Variants in SYTL2 observed in about 807,000 individuals in gnomAD.
The protein encoded by SYTL2 is synaptotagmin-like protein 2.
A neutral mutation model predicts 198.7 loss-of-function variants in SYTL2; 165 were observed. The ratio of observed to expected loss-of-function variants is 0.83; its 90% CI spans 0.73 to 0.94. SYTL2 has a LOEUF of 0.94. Ranked by LOEUF, SYTL2 falls within the 40% of genes least tolerant of loss-of-function variation. SYTL2 has a pLI of 0.00. For missense variants in SYTL2, 2,835 were observed against 2,582.8 expected, an observed-to-expected ratio of 1.10 and a Z score of -2.12; for synonymous variants, 966 against 917.7, an observed-to-expected ratio of 1.05 and a Z score of -0.95.
At position 85,734,467 on chromosome 11, in the gene SYTL2, G is replaced by C; in HGVS notation, c.862C>G (p.Leu288Val). Reference protein sequence around the residue: ...SSSSSTDSETLRYNHNFEPKS... With the variant: ...SSSSSTDSETVRYNHNFEPKS... ...GGTTCAAAGTTGTGATTATAACGAA[G>C]GGTTTCTGAGTCTGTGCTACTGGAA... Residue 288 changes from leucine to valine, a missense_variant, in exon 7 of 20, where the codon CTT becomes GTT. By Grantham distance (32) the Leu-to-Val change is conservative. Around this residue, in one of 3 missense-constraint regions of SYTL2, gnomAD observed 2,645 missense variants for 2,381.7 expected, o/e 1.11. Coordinates refer to ENST00000359152, the MANE Select transcript of SYTL2 (RefSeq NM_206927.4). 1.9e-6 allele frequency: 3 copies of C among 1,614,208 alleles called. No homozygotes were observed. The highest frequency in any genetic ancestry group is 2.5e-6 in the Non-Finnish European group (3 of 1,180,028).
At chr11:85,794,353 A>AT (rs1163277929) in intron 1 of SYTL2, among the ~76,000 whole-genome samples, 1 of 149,776 alleles carries the variant, frequency 6.7e-6, no homozygotes, top group Admixed American at 6.7e-5. Flanking sequence ...TAATTTTTAA[A>AT]TTTTTTTTCT....
intron 1 of SYTL2, among the ~76,000 whole-genome samples, chr11:85,760,273 T>G (rs1013842604): frequency 2.0e-5 from 3 of 152,188 alleles, no homozygotes; most frequent in African/African-American, 7.2e-5. Flanking sequence ...ACTAAGTATT[T>G]GTTGTTGGAA....
At position 85,726,017 on chromosome 11, in the gene SYTL2, A is replaced by G; in HGVS notation, c.3341T>C (p.Ile1114Thr). Residue 1114 changes from isoleucine to threonine, a missense_variant, in exon 8 of 20, where the codon ATT (isoleucine) becomes ACT (threonine). By Grantham distance (89) the Ile-to-Thr change is moderately conservative. This residue lies in a region of SYTL2 where 2,645 missense variants were observed against 2,381.7 expected (regional missense o/e 1.11). Transcript: ENST00000359152. The part of the protein sequence containing the change: ...KEEKDYSEQE[I>T]QESIIKTNVL... Reference sequence around the variant, plus strand: ...ATTGGTTTTTATTATGGATTCTTGAATCTCTTGTTCTGAGTAATCCTTTTC... The same window carrying G: ...ATTGGTTTTTATTATGGATTCTTGAGTCTCTTGTTCTGAGTAATCCTTTTC... 2 of 1,613,514 alleles carry G rather than the reference A, an allele frequency of 1.2e-6. No homozygotes were observed. Among genetic ancestry groups the G allele is most frequent in the South Asian group, 2.2e-5 (2 of 90,876 alleles).
At chr11:85,771,773 A>T (rs1405908746) in intron 1 of SYTL2, among the ~76,000 whole-genome samples, 3 of 152,196 alleles carry the variant, frequency 2.0e-5, no homozygotes, top group Non-Finnish European at 2.9e-5. Context: ...CTTGAGCCTT[A>T]GTTTGCTCAT....
chr11:85,764,387 C>T (rs181151644), intron 1 of SYTL2, among the ~76,000 whole-genome samples: 2 of 152,286 alleles, frequency 1.3e-5, no homozygotes, highest in East Asian at 3.9e-4. Flanking sequence ...CTCCACATCC[C>T]ATGGAAGAGA....
At chr11:85,838,602 CGA>C in the SYTL2 span, among the ~76,000 whole-genome samples, 1 of 151,976 alleles carries the variant, frequency 6.6e-6, no homozygotes, top group Non-Finnish European at 1.5e-5. Flanking sequence ...GGAACAAGTG[CGA>C]GAGAGTGCCA....
At position 85,734,223 on chromosome 11, in the gene SYTL2, A is replaced by G. The variant is rs2153488225; in HGVS notation, c.1106T>C (p.Met369Thr). ...CTCTTCTGTGTCCCCTGCATCTTCC[A>G]TTCCATTTTTCAATCTGTCAGATTC... Reference protein sequence around the residue: ...VLESDRLKNGMEDAGDTEEFQ... With the variant: ...VLESDRLKNGTEDAGDTEEFQ... Residue 369 changes from methionine to threonine, a missense_variant, in exon 7 of 20, where the codon ATG becomes ACG. Transcript: ENST00000359152. 3.1e-6 allele frequency: 5 copies of G among 1,614,180 alleles called. No homozygotes were observed. Among genetic ancestry groups the G allele is most frequent in the Non-Finnish European group, 4.2e-6 (5 of 1,180,016 alleles).
Position 85,726,584 on chromosome 11 carries a change from T to C in SYTL2, c.2774A>G (p.Asn925Ser), listed in dbSNP as rs754476197. 1.9e-6 allele frequency: 3 copies of C among 1,573,528 alleles called. No homozygotes were observed. The African/African-American group carries it at 4.0e-5, about 21-fold the overall frequency. Residue 925 changes from asparagine (N) to serine (S), a missense_variant, in exon 8 of 20, where the codon AAC (asparagine) becomes AGC (serine). Asn to Ser is a conservative substitution (Grantham distance 46). Transcript: ENST00000359152. ...QVADSLPSRR[N>S]ITLPALQPPS... ...AGGTTGCAGTGCTGGTAAAGTAATG[T>C]TTCTTCTAGAAGGCAAACTGTCTGC...
chr11:85,755,932 T>G (rs1441267877), intron 2 of SYTL2, among the ~76,000 whole-genome samples: 1 of 152,146 alleles, frequency 6.6e-6, no homozygotes, highest in African/African-American at 2.4e-5. Flanking sequence ...AAAGAGAGAC[T>G]CAGTGCAGTC....
At chr11:85,819,925 T>C in the SYTL2 span, among the ~76,000 whole-genome samples, 1 of 152,250 alleles carries the variant, frequency 6.6e-6, no homozygotes, top group East Asian at 1.9e-4. Flanking sequence ...AGAGACAGTA[T>C]CTTATTCCTC....
intron 2 of SYTL2, among the ~76,000 whole-genome samples, chr11:85,751,628 A>G (rs1388006748): frequency 6.6e-6 from 1 of 152,204 alleles, no homozygotes; most frequent in Non-Finnish European, 1.5e-5. Context: ...CAGAAAGTAC[A>G]CTGGCCTGCT....
intron 9 of SYTL2, among the ~76,000 whole-genome samples, 198 bp downstream of exon 9, chr11:85,720,660 A>G (rs1375298501): frequency 3.3e-5 from 5 of 152,160 alleles, no homozygotes; most frequent in African/African-American, 1.2e-4. Flanking sequence ...ACCAAATGTA[A>G]TATATTATTT....
At chr11:85,769,874 AG>A (rs2092322144) in intron 1 of SYTL2, among the ~76,000 whole-genome samples, 1 of 152,212 alleles carries the variant, frequency 6.6e-6, no homozygotes, top group East Asian at 1.9e-4. Flanking sequence ...GCTGGGCAGG[AG>A]AACCACAACC....
At position 85,727,743 on chromosome 11, in the gene SYTL2, G is replaced by A. The variant is rs2089367346; in HGVS notation, c.1615C>T (p.Leu539Phe). 6.4e-7 allele frequency: 1 copy of A among 1,554,972 alleles called. No individual in the cohort carries two copies. The highest frequency in any genetic ancestry group is 1.4e-5 in the African/African-American group (1 of 73,338). ...SSYSDDNKSF[L>F]QHPRGIESKE... is the part of the protein sequence containing the mutation. ...GACTCTATTCCTCGGGGATGTTGGA[G>A]GAATGACTTATTGTCATCTGAATAA... The change falls in exon 8 of 20, where the codon CTC becomes TTC. Residue 539 changes from leucine to phenylalanine, a missense_variant. Leu to Phe is a conservative substitution (Grantham distance 22). This residue lies in a region of SYTL2 where 2,645 missense variants were observed against 2,381.7 expected (regional missense o/e 1.11). Coordinates refer to ENST00000359152, the MANE Select transcript of SYTL2 (RefSeq NM_206927.4).
At chr11:85,790,165 C>CAGAAAGTGA (rs1333067979) in intron 1 of SYTL2, among the ~76,000 whole-genome samples, 1 of 152,118 alleles carries the variant, frequency 6.6e-6, no homozygotes, top group East Asian at 1.9e-4. Flanking sequence ...ACTGAATCAT[C>CAGAAAGTGA]AGAAAGTGAA....
At chr11:85,775,301 A>G (rs1260444039) in intron 1 of SYTL2, among the ~76,000 whole-genome samples, 1 of 152,166 alleles carries the variant, frequency 6.6e-6, no homozygotes, top group Non-Finnish European at 1.5e-5. Flanking sequence ...CAATGGGTAC[A>G]ACTATTAAGT....
the SYTL2 span, among the ~76,000 whole-genome samples, chr11:85,823,775 C>A: frequency 2.6e-5 from 4 of 152,140 alleles, no homozygotes; most frequent in Admixed American, 6.5e-5. Flanking sequence ...TGATGCAAAG[C>A]TTTAAGATTT....
chr11:85,786,300 A>G (rs757988741), intron 1 of SYTL2, among the ~76,000 whole-genome samples: 2 of 152,146 alleles, frequency 1.3e-5, no homozygotes, highest in East Asian at 3.8e-4. Flanking sequence ...GAACAAATGG[A>G]AAGAATCTGT....
chr11:85,734,927 C>T (rs1048372808), intron 6 of SYTL2, among the ~76,000 whole-genome samples, 185 bp from the exon 7 acceptor site: 4 of 152,176 alleles, frequency 2.6e-5, no homozygotes, highest in African/African-American at 9.7e-5. Context: ...GCACAGAGGA[C>T]TTTTAGGGCA....
Sources: gnomAD v4.1 joint callset for allele counts (sites outside exome capture counted in the v4.1 genomes callset) on GRCh38, gnomAD v4.1.1 for gene constraint, gnomAD v4.1.1 regional missense constraint, MANE v1.5 for transcripts, NCBI Gene and HGNC (gene_info 2026-07-23, HGNC 2026-07-21) for gene names.